The following TFDP2 variants were observed in gnomAD, a reference collection of about 807,000 sequenced individuals.
TFDP2 encodes transcription factor Dp-2.
TFDP2 carries 17 observed loss-of-function variants against 59.3 expected under a neutral mutation model. The ratio of observed to expected loss-of-function variants is 0.29; its 90% CI spans 0.20 to 0.43. The LOEUF is 0.43. Ranked by LOEUF, TFDP2 falls within the 20% of genes least tolerant of loss-of-function variation. The pLI, the probability that TFDP2 is intolerant of heterozygous loss-of-function variation, is 1.00. For synonymous variants in TFDP2, 180 were observed against 194.7 expected (o/e 0.92, Z 0.63); for missense variants, 391 against 528.8 (o/e 0.74, Z 2.56).
At chr3:142,054,901 T>G (rs894519882) in intron 3 of TFDP2, among the ~76,000 whole-genome samples, 3 of 152,216 alleles carry the variant, frequency 2.0e-5, no homozygotes, top group African/African-American at 7.2e-5. Context: ...GTAAGACTAT[T>G]AAGGACAGAA....
chr3:142,045,064 A>G (rs958518071), intron 3 of TFDP2, among the ~76,000 whole-genome samples: 6 of 151,580 alleles, frequency 4.0e-5, no homozygotes, highest in African/African-American at 1.5e-4. Context: ...ACCATCTAAT[A>G]TTGTTTCCTT....
intron 3 of TFDP2, among the ~76,000 whole-genome samples, chr3:142,045,612 CTT>C (rs10587862): frequency 0.83 from 108,967 of 131,770 alleles, 45,197 homozygotes; most frequent in African/African-American, 0.94. Context: ...TATTATTTGA[CTT>C]TTTTTTTTTT....
intron 1 of TFDP2, among the ~76,000 whole-genome samples, chr3:142,114,058 A>G (rs62284565): frequency 0.06 from 9,136 of 152,088 alleles, 371 homozygotes; most frequent in East Asian, 0.2. Flanking sequence ...TCAGCTACTC[A>G]GGAGGCTGAG....
At chr3:142,117,859 G>C (rs1451678513) in intron 1 of TFDP2, among the ~76,000 whole-genome samples, 1 of 152,228 alleles carries the variant, frequency 6.6e-6, no homozygotes. Flanking sequence ...CACTTTGGGA[G>C]GCTGAGGGAG....
At chr3:141,968,501 T>C (rs1338187482) in intron 9 of TFDP2, among the ~76,000 whole-genome samples, 1 of 100,180 alleles carries the variant, frequency 1.0e-5, no homozygotes, top group Non-Finnish European at 1.9e-5. Context: ...TATATAGATA[T>C]ATATAACATA....
intron 3 of TFDP2, among the ~76,000 whole-genome samples, chr3:142,069,966 C>A (rs2060191227): frequency 6.7e-6 from 1 of 149,798 alleles, no homozygotes; most frequent in African/African-American, 2.5e-5. Context: ...AGTGCAGTGG[C>A]GTGATCTCGG....
intron 4 of TFDP2, among the ~76,000 whole-genome samples, chr3:141,996,029 A>C (rs1224554868): frequency 6.6e-6 from 1 of 152,106 alleles, no homozygotes; most frequent in Non-Finnish European, 1.5e-5. Context: ...TATTATAAAG[A>C]ATGCTGTGAT....
intron 4 of TFDP2, 98 bp from the exon 5 acceptor site, chr3:141,995,239 C>T (rs1000632922): frequency 6.8e-6 from 7 of 1,037,016 alleles, no homozygotes; most frequent in African/African-American, 1.7e-5. Flanking sequence ...ATGAGGAAAC[C>T]TTGCTGCCTA....
intron 9 of TFDP2, among the ~76,000 whole-genome samples, chr3:141,964,905 A>AT (rs1393551411): frequency 6.6e-6 from 1 of 152,052 alleles, no homozygotes; most frequent in African/African-American, 2.4e-5. Context: ...CAAGGCCTAA[A>AT]TTTTTTTACT....
At chr3:142,042,637 T>C (rs1452123200) in intron 3 of TFDP2, among the ~76,000 whole-genome samples, 26 of 148,128 alleles carry the variant, frequency 1.8e-4, no homozygotes, top group African/African-American at 5.2e-4. Flanking sequence ...TTTCTTTTTT[T>C]TTTTTTTTTT....
intron 3 of TFDP2, among the ~76,000 whole-genome samples, chr3:142,022,842 C>T (rs1945721305): frequency 6.6e-6 from 1 of 152,054 alleles, no homozygotes; most frequent in East Asian, 1.9e-4. Flanking sequence ...GGTTCCTGGG[C>T]CGGGCACAGG....
intron 3 of TFDP2, among the ~76,000 whole-genome samples, chr3:142,080,954 C>T (rs2060619984): frequency 6.6e-6 from 1 of 152,162 alleles, no homozygotes; most frequent in South Asian, 2.1e-4. Context: ...CAAGGAAACA[C>T]TAGACTTAAT....
At chr3:142,126,624 A>G (rs1303881028) in intron 1 of TFDP2, among the ~76,000 whole-genome samples, 6 of 152,148 alleles carry the variant, frequency 3.9e-5, no homozygotes, top group Admixed American at 2.6e-4. Context: ...ATATGAACAC[A>G]CAGGTCTCTA....
At position 141,959,800 on chromosome 3, in the gene TFDP2, G is replaced by T. The variant is rs779531625; in HGVS notation, c.925C>A (p.His309Asn). The change falls in exon 11 of 13, where the codon CAT (histidine) becomes AAT (asparagine). Residue 309 changes from histidine (H) to asparagine (N), a missense_variant. This residue lies in a region of TFDP2 where 223 missense variants were observed against 292.5 expected (regional missense o/e 0.76). Transcript: ENST00000489671. ...LFNFDNTFEI[H>N]DDIEVLKRMG... ...CGCTTTAGTACTTCTATGTCATCAT[G>T]GATCTCAAAGGTGTTGTCAAAATTG... is the stretch of plus-strand genomic sequence containing the variant. The T allele has an allele frequency of 3.1e-6, 5 of 1,614,082 alleles. No homozygotes were observed. The South Asian group carries it at 5.5e-5, about 18-fold the overall frequency.
chr3:141,960,592 G>A (rs1433354207), intron 10 of TFDP2, among the ~76,000 whole-genome samples: 1 of 152,156 alleles, frequency 6.6e-6, no homozygotes, highest in African/African-American at 2.4e-5. Flanking sequence ...ACCTGGTCAT[G>A]AAATTCTATT....
chr3:142,083,244 AG>A (rs2060701326), intron 3 of TFDP2, among the ~76,000 whole-genome samples: 1 of 152,212 alleles, frequency 6.6e-6, no homozygotes, highest in East Asian at 1.9e-4. Context: ...AGTAATTAAA[AG>A]TAATCCCATT....
intron 5 of TFDP2, 146 bp downstream of exon 5, chr3:141,994,874 T>C (rs1017572731): frequency 5.0e-6 from 3 of 600,496 alleles, no homozygotes; most frequent in Admixed American, 7.4e-5. Flanking sequence ...ATCTAAGATA[T>C]AAAGTGAAAT....
intron 10 of TFDP2, among the ~76,000 whole-genome samples, chr3:141,963,587 C>A (rs1937570220): frequency 6.6e-6 from 1 of 152,126 alleles, no homozygotes; most frequent in Admixed American, 6.5e-5. Context: ...ACATATAATA[C>A]AGACAGCACA....
intron 9 of TFDP2, 35 bp downstream of exon 9, chr3:141,970,038 C>T: frequency 6.3e-7 from 1 of 1,593,636 alleles, no homozygotes; most frequent in Non-Finnish European, 8.6e-7. Context: ...AGTGGAGAAA[C>T]AGGGAAGGTA....
Sources: gnomAD v4.1 joint callset for allele counts (sites outside exome capture counted in the v4.1 genomes callset) on GRCh38, gnomAD v4.1.1 for gene constraint, gnomAD v4.1.1 regional missense constraint, MANE v1.5 for transcripts, NCBI Gene and HGNC (gene_info 2026-07-23, HGNC 2026-07-21) for gene names.